PPHLN1: variants seen among roughly 807,000 people sequenced by gnomAD.
PPHLN1 encodes periphilin 1.
A neutral mutation model predicts 51.3 loss-of-function variants in PPHLN1; 29 were observed. The observed-to-expected ratio is 0.57, with a 90% CI of 0.42 to 0.77. PPHLN1 has a LOEUF of 0.77. Among genes scored for constraint, PPHLN1 ranks in the 30% least tolerant of loss-of-function variants. The pLI is 0.00. For missense variants in PPHLN1, 436 were observed against 438.4 expected (o/e 0.99, Z 0.05); for synonymous variants, 147 against 147.8 (o/e 0.99, Z 0.04).
intron 1 of PPHLN1, among the ~76,000 whole-genome samples, chr12:42,334,945 G>A (rs1250000235): frequency 6.6e-6 from 1 of 152,198 alleles, no homozygotes; most frequent in Non-Finnish European, 1.5e-5. Flanking sequence ...AGTTGTAAAA[G>A]AGATCTGTGA....
intron 9 of PPHLN1, among the ~76,000 whole-genome samples, chr12:42,421,601 G>A (rs1592907980): frequency 3.3e-5 from 5 of 152,172 alleles, no homozygotes; most frequent in Admixed American, 2.6e-4. Flanking sequence ...ACCCGCCTCA[G>A]CCTTCCAAAG....
intron 8 of PPHLN1, 77 bp from the exon 9 acceptor site, chr12:42,398,777 T>G: frequency 7.5e-7 from 1 of 1,324,648 alleles, no homozygotes; most frequent in East Asian, 2.4e-5. Context: ...ATTTGCCAGT[T>G]AGTGCCTATA....
chr12:42,327,560 G>C (rs2137584438), intron 1 of PPHLN1, among the ~76,000 whole-genome samples: 1 of 152,234 alleles, frequency 6.6e-6, no homozygotes, highest in African/African-American at 2.4e-5. Context: ...TCTGAGTTTA[G>C]CTGTCACTTT....
rs1015264303 is a variant in PPHLN1 at position 42,351,931 on chromosome 12, T to C, written c.119T>C (p.Leu40Pro). The change falls in exon 3 of 10, where the codon CTG becomes CCG. Residue 40 changes from leucine (L) to proline (P), a missense_variant. Physicochemically the swap from Leu to Pro is moderately conservative, Grantham distance 98. Coordinates refer to ENST00000358314, the MANE Select transcript of PPHLN1 (RefSeq NM_201439.2). ...LVNIVPKKPP[L>P]LDRPGEGSYN... ...AATATTGTGCCAAAGAAACCACCACTGCTAGACAGACCTGGTGAAGGAAGC... is the reference window on the plus strand; with the variant it reads ...AATATTGTGCCAAAGAAACCACCACCGCTAGACAGACCTGGTGAAGGAAGC... 4 of 1,591,196 alleles carry C rather than the reference T, an allele frequency of 2.5e-6. No homozygotes were observed. The highest frequency in any genetic ancestry group is 4.6e-5 in the East Asian group (2 of 43,688).
intron 9 of PPHLN1, among the ~76,000 whole-genome samples, chr12:42,416,545 C>T (rs1201275900): frequency 2.0e-5 from 3 of 152,178 alleles, no homozygotes; most frequent in African/African-American, 7.2e-5. Flanking sequence ...CAGGGTTTTC[C>T]ATGACCCTGT....
chr12:42,326,424 T>C (rs976377918), intron 1 of PPHLN1, among the ~76,000 whole-genome samples, 195 bp downstream of exon 1: 2 of 151,992 alleles, frequency 1.3e-5, no homozygotes, highest in African/African-American at 4.8e-5. Flanking sequence ...GAGTCTAAGA[T>C]AGGGGTTCGC....
At chr12:42,344,968 C>T (rs1193634834) in intron 2 of PPHLN1, among the ~76,000 whole-genome samples, 3 of 152,076 alleles carry the variant, frequency 2.0e-5, no homozygotes, top group African/African-American at 7.2e-5. Context: ...CCCTCAGCCT[C>T]CCAAAGTGTT....
chr12:42,364,647 C>G (rs2075069806), intron 4 of PPHLN1, among the ~76,000 whole-genome samples: 1 of 151,986 alleles, frequency 6.6e-6, no homozygotes, highest in African/African-American at 2.4e-5. Context: ...AAAGGCCAGG[C>G]AGGTGGCTCA....
intron 9 of PPHLN1, among the ~76,000 whole-genome samples, chr12:42,436,747 T>C (rs1445323570): frequency 2.0e-5 from 3 of 152,154 alleles, no homozygotes; most frequent in Admixed American, 1.3e-4. Context: ...GTGGGTAGTA[T>C]ATAAAGATTG....
chr12:42,341,276 G>C (rs970896315), intron 2 of PPHLN1, among the ~76,000 whole-genome samples: 3 of 152,052 alleles, frequency 2.0e-5, no homozygotes, highest in Admixed American at 2.0e-4. Context: ...ATCGTGCCCG[G>C]CTTCTCCGTT....
intron 1 of PPHLN1, among the ~76,000 whole-genome samples, chr12:42,329,094 A>ATTTTTTTTTTTTTTTT (rs775555753): frequency 2.8e-5 from 4 of 141,426 alleles, no homozygotes; most frequent in African/African-American, 1.1e-4. Context: ...TGGAATTTCA[A>ATTTTTTTTTTTTTTTT]TTTTTTTTTT....
chr12:42,428,545 C>A (rs1353827660), intron 9 of PPHLN1, among the ~76,000 whole-genome samples: 1 of 152,180 alleles, frequency 6.6e-6, no homozygotes, highest in East Asian at 1.9e-4. Context: ...TGTTCTCACT[C>A]ATATGTGGGA....
intron 2 of PPHLN1, among the ~76,000 whole-genome samples, chr12:42,336,618 T>G (rs925451943): frequency 6.6e-6 from 1 of 152,214 alleles, no homozygotes; most frequent in African/African-American, 2.4e-5. Flanking sequence ...AACTTACTGT[T>G]TTGTTTACTA....
At chr12:42,432,141 C>A (rs895838666) in intron 9 of PPHLN1, 1 of 1,095,938 alleles carries the variant, frequency 9.1e-7, no homozygotes, top group Non-Finnish European at 1.4e-6. Context: ...ACGCTGATGT[C>A]GGCTGTCTCG....
At chr12:42,430,244 C>G (rs192400697) in intron 9 of PPHLN1, among the ~76,000 whole-genome samples, 133 of 151,882 alleles carry the variant, frequency 8.8e-4, no homozygotes, top group Non-Finnish European at 1.2e-3. Flanking sequence ...GCTCTTCTCT[C>G]TCTGTCTCTG....
chr12:42,401,698 T>A (rs2078859349), intron 9 of PPHLN1, among the ~76,000 whole-genome samples: 1 of 152,194 alleles, frequency 6.6e-6, no homozygotes, highest in Non-Finnish European at 1.5e-5. Flanking sequence ...CTGGTCCCTG[T>A]TGCCAAAAAG....
At chr12:42,411,923 A>AAAAAAAAAAAGGG (rs1424836657) in intron 9 of PPHLN1, among the ~76,000 whole-genome samples, 1 of 116,532 alleles carries the variant, frequency 8.6e-6, no homozygotes. Flanking sequence ...AAAAAAAAAA[A>AAAAAAAAAAAGGG]GGGCTGGGCG....
chr12:42,350,869 C>G (rs1338351266), intron 2 of PPHLN1, among the ~76,000 whole-genome samples: 1 of 152,004 alleles, frequency 6.6e-6, no homozygotes, highest in Admixed American at 6.6e-5. Context: ...CAGGCTGAGG[C>G]AGGAGAATCA....
rs368946080 is a variant in PPHLN1 at position 42,363,375 on chromosome 12, T to TTTGTAGTTTGCCACC, written c.299+8153_299+8154insTTGTAGTTTGCCACC. Among the ~76,000 whole-genome samples, 1,134 of 152,188 alleles carry TTTGTAGTTTGCCACC rather than the reference T, an allele frequency of 7.5e-3. 37 individuals carry two copies. The East Asian group carries it at 0.1, about 14-fold the overall frequency. On this transcript the variant is annotated intron_variant, in intron 4 of 9. Coordinates refer to ENST00000358314, the MANE Select transcript of PPHLN1 (RefSeq NM_201439.2). ...TAGTTTGCCACCACTGGGTGGGTGTTACAGGGCCACCTTGCATTCACACCA... is the reference window on the plus strand; with the variant it reads ...TAGTTTGCCACCACTGGGTGGGTGTTTTGTAGTTTGCCACCACAGGGCCACCTTGCATTCACACCA...
Sources: allele counts gnomAD v4.1 joint callset (sites outside exome capture counted in the v4.1 genomes callset), GRCh38; gene constraint gnomAD v4.1.1; transcripts MANE v1.5; gene names NCBI Gene and HGNC (gene_info 2026-07-23, HGNC 2026-07-21).